Variants in HEPHL1 observed in about 807,000 individuals in gnomAD.
HEPHL1 encodes the protein hephaestin like 1.
A neutral mutation model predicts 122.0 loss-of-function variants in HEPHL1; 123 were observed. The observed-to-expected ratio is 1.01, with a 90% CI of 0.87 to 1.17. The LOEUF (loss-of-function observed/expected upper bound fraction) is 1.17, where lower values mean the gene tolerates loss of function less well. Among genes scored for constraint, HEPHL1 ranks in the 50% most tolerant of loss-of-function variants. HEPHL1 has a pLI of 0.00. For synonymous variants in HEPHL1, 527 were observed against 508.9 expected (o/e 1.04, Z -0.48); for missense variants, 1,452 against 1,430.5 (o/e 1.01, Z -0.24).
At chr11:94,057,435 G>A (rs1156340716) in intron 2 of HEPHL1, among the ~76,000 whole-genome samples, 1 of 152,000 alleles carries the variant, frequency 6.6e-6, no homozygotes, top group Non-Finnish European at 1.5e-5. Context: ...GGTCTCTGAG[G>A]TTCTGTCCAT....
intron 9 of HEPHL1, among the ~76,000 whole-genome samples, chr11:94,081,744 A>G (rs938379343): frequency 3.9e-5 from 6 of 152,212 alleles, no homozygotes; most frequent in Non-Finnish European, 2.9e-5. Context: ...AAGTGTTCCT[A>G]TCCTCATGAA....
At chr11:94,082,234 T>C (rs148425963) in intron 9 of HEPHL1, among the ~76,000 whole-genome samples, 184 bp from the exon 10 acceptor site, 13 of 152,350 alleles carry the variant, frequency 8.5e-5, no homozygotes, top group African/African-American at 2.9e-4. Flanking sequence ...ACAAATTTTC[T>C]GAGTGGGGAA....
At chr11:94,050,187 A>C (rs1157912120) in intron 2 of HEPHL1, among the ~76,000 whole-genome samples, 1 of 152,028 alleles carries the variant, frequency 6.6e-6, no homozygotes, top group African/African-American at 2.4e-5. Flanking sequence ...TGTATGTTGA[A>C]GTTATATTCT....
intron 15 of HEPHL1, among the ~76,000 whole-genome samples, chr11:94,103,745 G>T (rs1248619590): frequency 6.6e-6 from 1 of 152,156 alleles, no homozygotes; most frequent in African/African-American, 2.4e-5. Flanking sequence ...AAAAGGGAGG[G>T]ATTATCATAA....
At position 94,073,338 on chromosome 11, in the gene HEPHL1, C is replaced by A. The variant is rs1199258651; in HGVS notation, c.1403C>A (p.Thr468Asn). Residue 468 changes from threonine (T) to asparagine (N), a missense_variant, in exon 8 of 20, where the codon ACC (threonine) becomes AAC (asparagine). Thr to Asn is a moderately conservative substitution (Grantham distance 65, BLOSUM62 0). Coordinates refer to ENST00000315765, the MANE Select transcript of HEPHL1 (RefSeq NM_001098672.2). ...GPVIKAEVGDTLLVTFANKAD... is the reference protein window; with the variant it reads ...GPVIKAEVGDNLLVTFANKAD... ...GTCATCAAGGCAGAGGTGGGTGATA[C>A]CCTGTTAGTGACCTTTGCCAACAAA... The A allele has an allele frequency of 6.2e-7, 1 of 1,607,382 alleles. No homozygotes were observed. Among genetic ancestry groups the A allele is most frequent in the South Asian group, 1.1e-5 (1 of 89,660 alleles).
rs1391776830 is a variant in HEPHL1 at position 94,064,388 on chromosome 11, T to G, written c.686T>G (p.Met229Arg). 1 of 1,613,038 alleles carries G rather than the reference T, an allele frequency of 6.2e-7. No homozygotes were observed. Among genetic ancestry groups the G allele is most frequent in the African/African-American group, 1.3e-5 (1 of 74,912 alleles). Residue 229 changes from methionine to arginine, a missense_variant, in exon 4 of 20, where the codon ATG (methionine) becomes AGG (arginine). Coordinates refer to ENST00000315765, the MANE Select transcript of HEPHL1 (RefSeq NM_001098672.2). ...RNDVDREFVIMFTLVDENQSW... is the reference protein window; with the variant it reads ...RNDVDREFVIRFTLVDENQSW... ...GATGTGGATCGAGAGTTTGTTATAA[T>G]GTTTACTCTTGTGGATGAGAATCAA...
chr11:94,077,006 T>G (rs545124793), intron 9 of HEPHL1, among the ~76,000 whole-genome samples: 3 of 152,164 alleles, frequency 2.0e-5, no homozygotes, highest in Non-Finnish European at 4.4e-5. Flanking sequence ...TAGAAAAAAT[T>G]TACAAAGAAT....
rs757987307 is a variant in HEPHL1, at chr11:94,111,940, G to A, written c.*46G>A. On this transcript the variant is annotated 3_prime_UTR_variant, in exon 20 of 20. Coordinates refer to ENST00000315765, the MANE Select transcript of HEPHL1 (RefSeq NM_001098672.2). The stretch of plus-strand genomic sequence containing the variant: ...AGGAAAGGGTGATGTCCCACAGCTG[G>A]CCAGATGGCAGCCAACAGGGAAACT... 7.2e-7 allele frequency: 1 copy of A among 1,392,814 alleles called. No homozygotes were observed. The highest frequency in any genetic ancestry group is 1.7e-5 in the South Asian group (1 of 59,810). The allele number at this position is 1,392,814 out of a possible 1,614,324, so 86.3% of individuals were successfully genotyped here.
At chr11:94,073,683 A>G (rs1479241685) in intron 8 of HEPHL1, among the ~76,000 whole-genome samples, 3 of 152,102 alleles carry the variant, frequency 2.0e-5, no homozygotes, top group African/African-American at 7.2e-5. Context: ...TTCTTAGGAA[A>G]TGTTCATTTC....
chr11:94,105,826 G>A (rs1946403667), intron 16 of HEPHL1, among the ~76,000 whole-genome samples, 165 bp from the exon 17 acceptor site: 1 of 152,054 alleles, frequency 6.6e-6, no homozygotes, highest in South Asian at 2.1e-4. Context: ...TCAGTTATCT[G>A]AATTTTGGGT....
chr11:94,024,662 A>T (rs1479419671), intron 1 of HEPHL1, among the ~76,000 whole-genome samples: 1 of 151,986 alleles, frequency 6.6e-6, no homozygotes. Context: ...GCTTGTACTG[A>T]TCTGTTTCCT....
At chr11:94,097,797 T>C (rs1946330705) in intron 13 of HEPHL1, among the ~76,000 whole-genome samples, 1 of 152,174 alleles carries the variant, frequency 6.6e-6, no homozygotes, top group South Asian at 2.1e-4. Context: ...CTTCTGACCT[T>C]TGTTGGTTTA....
chr11:94,111,927 T>A lies in HEPHL1; in HGVS notation c.*33T>A. On this transcript the variant is annotated 3_prime_UTR_variant, in exon 20 of 20. Transcript: ENST00000315765. ...GGTCTCCCTCAACAGGAAAGGGTGA[T>A]GTCCCACAGCTGGCCAGATGGCAGC... The A allele has an allele frequency of 6.8e-7, 1 of 1,464,138 alleles. No homozygotes were observed. The highest frequency in any genetic ancestry group is 9.1e-7 in the Non-Finnish European group (1 of 1,099,000). 90.7% of individuals were successfully genotyped at this position (1,464,138 alleles called of 1,614,324 possible). A position where few individuals can be genotyped will look rare whatever the true frequency, so the allele number is the denominator to read the frequency against.
At position 94,113,875 on chromosome 11, in the gene HEPHL1, A is replaced by C. The variant is rs1946471459; in HGVS notation, c.*1981A>C. The C allele has an allele frequency of 6.6e-6, 1 of 152,224 alleles. No individual in the cohort carries two copies. The highest frequency in any genetic ancestry group is 2.4e-5 in the African/African-American group (1 of 41,448). The allele number at this position is 152,224 out of a possible 1,614,324, so 9.4% of individuals were successfully genotyped here. A position where few individuals can be genotyped will look rare whatever the true frequency, so the allele number is the denominator to read the frequency against. ...ATGCCAATGACACTTGTTAGAGGAA[A>C]TGAAACAAAATAGTGTATCTCCACA... is the stretch of plus-strand genomic sequence containing the variant. On this transcript the variant is annotated 3_prime_UTR_variant, in exon 20 of 20. Transcript: ENST00000315765.
intron 15 of HEPHL1, among the ~76,000 whole-genome samples, 170 bp downstream of exon 15, chr11:94,103,190 A>G (rs1047186685): frequency 6.6e-6 from 1 of 151,162 alleles, no homozygotes; most frequent in Non-Finnish European, 1.5e-5. Context: ...TTACATTGTC[A>G]ATGGTTGACT....
intron 10 of HEPHL1, among the ~76,000 whole-genome samples, chr11:94,084,227 T>C (rs1350637904): frequency 6.6e-6 from 1 of 151,820 alleles, no homozygotes; most frequent in Non-Finnish European, 1.5e-5. Flanking sequence ...CTCAGGAGGC[T>C]GAGGTAGGAG....
intron 9 of HEPHL1, among the ~76,000 whole-genome samples, chr11:94,078,606 C>G (rs1946145998): frequency 6.6e-6 from 1 of 151,622 alleles, no homozygotes; most frequent in Admixed American, 6.6e-5. Context: ...TGGGGTGGCT[C>G]CAGTTAGAAA....
intron 13 of HEPHL1, among the ~76,000 whole-genome samples, chr11:94,095,152 A>C (rs1260209825): frequency 3.9e-5 from 6 of 151,930 alleles, no homozygotes; most frequent in East Asian, 1.9e-4. Flanking sequence ...GTCTTTAATC[A>C]ATCTTGAATT....
intron 13 of HEPHL1, among the ~76,000 whole-genome samples, chr11:94,099,043 C>T (rs1946344946): frequency 6.6e-6 from 1 of 152,248 alleles, no homozygotes; most frequent in Non-Finnish European, 1.5e-5. Flanking sequence ...CAGCTTTGTT[C>T]TGTTGCTGGC....
Sources: allele counts gnomAD v4.1 joint callset (sites outside exome capture counted in the v4.1 genomes callset), GRCh38; gene constraint gnomAD v4.1.1; transcripts MANE v1.5; gene names NCBI Gene and HGNC (gene_info 2026-07-23, HGNC 2026-07-21).